The following ATP1B3 variants were observed in gnomAD, a reference collection of about 807,000 sequenced individuals.
ATP1B3 encodes ATPase Na+/K+ transporting subunit beta 3.
Under a neutral mutation model 30.2 loss-of-function variants are expected in ATP1B3, and 10 were observed. That is an observed-to-expected ratio of 0.33 (90% confidence interval 0.20 to 0.56). The LOEUF is 0.56. Ranked by LOEUF, ATP1B3 falls within the 20% of genes least tolerant of loss-of-function variation. The pLI, the probability that ATP1B3 is intolerant of heterozygous loss-of-function variation, is 0.90. For missense variants in ATP1B3, 238 were observed against 336.7 expected (o/e 0.71, Z 2.29); for synonymous variants, 113 against 117.0 (o/e 0.97, Z 0.22).
In ATP1B3 at chr3:141,876,879, A is replaced by C; in HGVS notation, c.78A>C (p.Gly26=). The change falls in exon 1 of 7, where the codon GGA becomes GGC. Residue 26 remains glycine, a synonymous_variant. Coordinates refer to ENST00000286371, the MANE Select transcript of ATP1B3 (RefSeq NM_001679.4). ...TCTTCATCTACAACCCGACCACCGGAGAATTCCTGGGGCGCACCGCCAAGA... is the reference window on the plus strand; with the variant it reads ...TCTTCATCTACAACCCGACCACCGGCGAATTCCTGGGGCGCACCGCCAAGA... ...WKLFIYNPTT[G]EFLGRTAKSW... 1.3e-6 allele frequency: 2 copies of C among 1,581,658 alleles called. No homozygotes were observed. Among genetic ancestry groups the C allele is most frequent in the African/African-American group, 1.4e-5 (1 of 71,422 alleles).
chr3:141,916,072 CT>C (rs1475218541), intron 5 of ATP1B3, 52 bp downstream of exon 5: 2 of 1,462,978 alleles, frequency 1.4e-6, no homozygotes. Context: ...TCTTAAAATA[CT>C]TTAAAAGTCT....
Position 141,876,737 on chromosome 3 carries a change from C to A in ATP1B3, c.-65C>A. On this transcript the variant is annotated 5_prime_UTR_variant, in exon 1 of 7. Transcript: ENST00000286371. ...GCTGCGCCGCCGGAGCCGGGACGCG[C>A]CTCCGCAGCCCTCGCCGCCTCCATC... The A allele has an allele frequency of 7.6e-7, 1 of 1,313,636 alleles. No homozygotes were observed. The highest frequency in any genetic ancestry group is 1.1e-6 in the Non-Finnish European group (1 of 937,124). The allele number at this position is 1,313,636 out of a possible 1,614,324, so 81.4% of individuals were successfully genotyped here. A position where few individuals can be genotyped will look rare whatever the true frequency, so the allele number is the denominator to read the frequency against.
In ATP1B3 at chr3:141,881,033, TCTTTA is replaced by T. The variant is rs554971806; in HGVS notation, c.109+4127_109+4131del. ...AGCCTGGCCAACATGGCGAAATCCG[TCTTTA>T]CTTAAAGTACAAAAATTAGCCCGGC... is the stretch of plus-strand genomic sequence containing the variant. On this transcript the variant is annotated intron_variant, in intron 1 of 6. Transcript: ENST00000286371. 4.5e-3 allele frequency among the ~76,000 whole-genome samples: 682 copies of T among 152,132 alleles called. 2 individuals are homozygous for T. The highest frequency in any genetic ancestry group is 6.9e-3 in the Non-Finnish European group (468 of 68,004).
intron 3 of ATP1B3, 117 bp from the exon 4 acceptor site, chr3:141,913,535 G>A: frequency 1.2e-6 from 1 of 844,576 alleles, no homozygotes; most frequent in Non-Finnish European, 1.8e-6. Context: ...AAAGTTATCT[G>A]GTAATTTACA....
intron 5 of ATP1B3, among the ~76,000 whole-genome samples, chr3:141,920,231 T>G (rs777089846): frequency 1.3e-5 from 2 of 152,064 alleles, no homozygotes; most frequent in Non-Finnish European, 2.9e-5. Context: ...TAAGGCTTGT[T>G]AGGCCTAAAG....
chr3:141,877,846 G>A (rs909009032), intron 1 of ATP1B3, among the ~76,000 whole-genome samples: 1 of 72,168 alleles, frequency 1.4e-5, no homozygotes, highest in African/African-American at 5.9e-5. Flanking sequence ...TTTTTTTTTT[G>A]CCTTTATACT....
chr3:141,917,412 T>G (rs1934485041), intron 5 of ATP1B3, among the ~76,000 whole-genome samples: 1 of 151,710 alleles, frequency 6.6e-6, no homozygotes, highest in African/African-American at 2.4e-5. Context: ...AAAGCCAGAG[T>G]CAGCTGGGTG....
Position 141,925,525 on chromosome 3 carries a change from TGCCAG to T in ATP1B3, c.670-4_670del. 1 of 1,589,954 alleles carries T rather than the reference TGCCAG, an allele frequency of 6.3e-7. No individual in the cohort carries two copies. The highest frequency in any genetic ancestry group is 1.1e-5 in the South Asian group (1 of 87,014). ...TTGAATTAATATATTTTCCTTTTAT[TGCCAG>T]GTTGGGTATCTACAGCCATTGGTTG... On this transcript the variant is annotated splice_acceptor_variant and splice_polypyrimidine_tract_variant and intron_variant, in intron 6 of 6. Transcript: ENST00000286371. LOFTEE classifies it high-confidence loss of function.
chr3:141,893,650 C>A (rs534457519), intron 1 of ATP1B3, among the ~76,000 whole-genome samples: 1 of 152,116 alleles, frequency 6.6e-6, no homozygotes, highest in Non-Finnish European at 1.5e-5. Flanking sequence ...AATTAACATA[C>A]AATAAACTGC....
intron 5 of ATP1B3, among the ~76,000 whole-genome samples, chr3:141,920,125 G>C (rs771381759): frequency 2.6e-5 from 4 of 152,110 alleles, no homozygotes; most frequent in East Asian, 1.9e-4. Context: ...GGCACACACA[G>C]AGAGCAGTTG....
chr3:141,877,132 G>GC (rs1191797287), intron 1 of ATP1B3, among the ~76,000 whole-genome samples: 1 of 150,514 alleles, frequency 6.6e-6, no homozygotes, highest in Non-Finnish European at 1.5e-5. Context: ...CCCGCGGGCA[G>GC]CCCGGCCGGG....
intron 1 of ATP1B3, 84 bp downstream of exon 1, chr3:141,876,994 A>T (rs1359012304): frequency 2.7e-6 from 3 of 1,112,494 alleles, no homozygotes; most frequent in Non-Finnish European, 3.6e-6. Flanking sequence ...GAAAGGCGGG[A>T]GGCGGCTCCC....
At chr3:141,916,667 T>A (rs1330588283) in intron 5 of ATP1B3, 7 of 940,848 alleles carry the variant, frequency 7.4e-6, no homozygotes, top group African/African-American at 3.5e-5. Flanking sequence ...ATATTTTACT[T>A]AGAATGTTAC....
At chr3:141,890,595 G>A (rs544078175) in intron 1 of ATP1B3, among the ~76,000 whole-genome samples, 20 of 150,474 alleles carry the variant, frequency 1.3e-4, no homozygotes, top group South Asian at 6.3e-4. Flanking sequence ...GAGCCACCAC[G>A]CCCACCTAAT....
rs1483090569 is a variant in ATP1B3 at position 141,876,681 on chromosome 3, C to G, written c.-121C>G. 1 of 659,666 alleles carries G rather than the reference C, an allele frequency of 1.5e-6. No individual in the cohort carries two copies. Among genetic ancestry groups the G allele is most frequent in the African/African-American group, 2.0e-5 (1 of 51,156 alleles). The allele number at this position is 659,666 out of a possible 1,614,324, so 40.9% of individuals were successfully genotyped here. On this transcript the variant is annotated 5_prime_UTR_variant, in exon 1 of 7. Transcript: ENST00000286371. ...ACTCCCCGTAACGAGGAGGTGTTCT[C>G]GGCCGTCCCACCCTTCACTGCCGTC...
chr3:141,881,204 C>CAAA lies in ATP1B3; in HGVS notation c.109+4306_109+4308dup, dbSNP rs112675926. Among the ~76,000 whole-genome samples the CAAA allele has an allele frequency of 9.6e-4, 112 of 117,222 alleles. 2 individuals carry two copies. Among genetic ancestry groups the CAAA allele is most frequent in the Admixed American group, 1.6e-3 (18 of 10,970 alleles). 76.9% of individuals were successfully genotyped at this position (117,222 alleles called of 152,430 possible). ...AGCGACAAGCTCAGGACTCCACCTC[C>CAAA]AAAAAAAAAAAAAAGAAAAGAAAAA... On this transcript the variant is annotated intron_variant, in intron 1 of 6. Transcript: ENST00000286371.
At chr3:141,908,782 ACT>A (rs1209999857) in intron 3 of ATP1B3, among the ~76,000 whole-genome samples, 1 of 151,666 alleles carries the variant, frequency 6.6e-6, no homozygotes, top group Non-Finnish European at 1.5e-5. Context: ...CTTACAACTC[ACT>A]CTCTTCATAT....
chr3:141,899,413 A>G (rs570150316), intron 1 of ATP1B3, among the ~76,000 whole-genome samples: 16 of 152,272 alleles, frequency 1.1e-4, no homozygotes, highest in Admixed American at 4.6e-4. Flanking sequence ...GAGAGGCCCA[A>G]TCTTTCTAGC....
chr3:141,923,020 G>C (rs1016847677), intron 6 of ATP1B3, among the ~76,000 whole-genome samples: 5 of 151,836 alleles, frequency 3.3e-5, no homozygotes, highest in Non-Finnish European at 5.9e-5. Flanking sequence ...GCTCACGCCT[G>C]CAATCGCAGC....
Sources: allele counts gnomAD v4.1 joint callset (sites outside exome capture counted in the v4.1 genomes callset), GRCh38; gene constraint gnomAD v4.1.1; transcripts MANE v1.5; gene names NCBI Gene and HGNC (gene_info 2026-07-23, HGNC 2026-07-21).